The following LMO7 variants were observed in gnomAD, a reference collection of about 807,000 sequenced individuals.
LMO7 encodes the protein LIM domain only protein 7.
LMO7 carries 120 observed loss-of-function variants against 206.5 expected under a neutral mutation model. The observed-to-expected ratio is 0.58, with a 90% CI of 0.50 to 0.68. LMO7 has a LOEUF of 0.68. Among genes scored for constraint, LMO7 ranks in the 30% least tolerant of loss-of-function variants. The pLI is 0.00. For missense variants in LMO7, 1,959 were observed against 1,957.9 expected (o/e 1.00, Z -0.01); for synonymous variants, 706 against 681.5 (o/e 1.04, Z -0.56).
chr13:75,836,025 T>C (rs1023313568), intron 18 of LMO7, among the ~76,000 whole-genome samples: 2 of 152,176 alleles, frequency 1.3e-5, no homozygotes, highest in African/African-American at 4.8e-5. Context: ...ACTCTTTTAT[T>C]TAATAAGGAG....
At chr13:75,686,537 T>TTC (rs1278767640) in intron 1 of LMO7, among the ~76,000 whole-genome samples, 8 of 151,676 alleles carry the variant, frequency 5.3e-5, no homozygotes, top group Non-Finnish European at 1.2e-4. Context: ...TTTTTTTTTT[T>TTC]TTTTTTTAAA....
rs748531973 is a variant in LMO7, at chr13:75,823,604, A to G, written c.2680A>G (p.Ile894Val). The G allele has an allele frequency of 2.5e-6, 4 of 1,614,114 alleles. No homozygotes were observed. Among genetic ancestry groups the G allele is most frequent in the South Asian group, 1.1e-5 (1 of 91,078 alleles). The change falls in exon 15 of 31, where the codon ATT becomes GTT. Residue 894 changes from isoleucine to valine, a missense_variant. Coordinates refer to ENST00000377534, the MANE Select transcript of LMO7 (RefSeq NM_001306080.2). Reference sequence around the variant, plus strand: ...GAAGTATAATGGAGATGTTGAAGACATTAAGAGAACTCCAAACAATGTGGT... The same window carrying G: ...GAAGTATAATGGAGATGTTGAAGACGTTAAGAGAACTCCAAACAATGTGGT... ...AWKYNGDVED[I>V]KRTPNNVVST...
intron 12 of LMO7, among the ~76,000 whole-genome samples, chr13:75,818,682 A>G (rs1466405600): frequency 1.3e-5 from 2 of 152,074 alleles, no homozygotes; most frequent in Non-Finnish European, 2.9e-5. Context: ...ACCTAGGTGG[A>G]CTTAACCCTT....
chr13:75,681,294 T>C (rs1274127902), intron 1 of LMO7, among the ~76,000 whole-genome samples: 2 of 152,170 alleles, frequency 1.3e-5, no homozygotes, highest in Admixed American at 6.6e-5. Flanking sequence ...TATAGTTTTG[T>C]GTTTTACATT....
In LMO7 at chr13:75,757,864, C is replaced by A. The variant is rs2047814285; in HGVS notation, c.211-3068C>A. 4.0e-5 allele frequency among the ~76,000 whole-genome samples: 6 copies of A among 149,498 alleles called. No homozygotes were observed. The Admixed American group carries it at 4.0e-4, about 10-fold the overall frequency. ...TGTATGTTGGTTTGTCTTTGAGAAG[C>A]CACTTTTGGTCCTGAAAGTACAGGG... On this transcript the variant is annotated intron_variant, in intron 3 of 30. Coordinates refer to ENST00000377534, the MANE Select transcript of LMO7 (RefSeq NM_001306080.2).
At chr13:75,816,974 C>T (rs1418408979) in intron 11 of LMO7, 187 bp from the exon 12 acceptor site, 3 of 450,916 alleles carry the variant, frequency 6.7e-6, no homozygotes, top group Non-Finnish European at 1.2e-5. Flanking sequence ...AATTCACACT[C>T]GAGTGCTCTT....
chr13:75,744,502 A>G (rs918228057), intron 3 of LMO7, among the ~76,000 whole-genome samples: 8 of 152,224 alleles, frequency 5.3e-5, no homozygotes, highest in African/African-American at 1.9e-4. Flanking sequence ...TCAGTATTTG[A>G]GTAGGATTAT....
At chr13:75,782,116 A>T (rs2051576094) in intron 4 of LMO7, among the ~76,000 whole-genome samples, 1 of 152,190 alleles carries the variant, frequency 6.6e-6, no homozygotes, top group African/African-American at 2.4e-5. Context: ...TGCTGTACAG[A>T]AGCTCTTTAG....
intron 1 of LMO7, among the ~76,000 whole-genome samples, chr13:75,659,001 T>A (rs2038320193): frequency 6.6e-6 from 1 of 151,970 alleles, no homozygotes; most frequent in Non-Finnish European, 1.5e-5. Context: ...TCTCTCTAGA[T>A]GATCAAATCA....
chr13:75,801,094 G>T (rs1412741492), intron 7 of LMO7, among the ~76,000 whole-genome samples: 1 of 151,964 alleles, frequency 6.6e-6, no homozygotes, highest in African/African-American at 2.4e-5. Context: ...TTCTGGAAAG[G>T]ACTGAGAGGT....
intron 29 of LMO7, among the ~76,000 whole-genome samples, 172 bp from the exon 30 acceptor site, chr13:75,856,334 T>C (rs2060943375): frequency 6.6e-6 from 1 of 152,232 alleles, no homozygotes; most frequent in African/African-American, 2.4e-5. Flanking sequence ...ACATCTTATC[T>C]GGCGGTCTTG....
At chr13:75,851,840 G>C (rs1443529810) in intron 27 of LMO7, among the ~76,000 whole-genome samples, 1 of 152,114 alleles carries the variant, frequency 6.6e-6, no homozygotes, top group Non-Finnish European at 1.5e-5. Context: ...TAGGGATTCA[G>C]GTGCTACATA....
chr13:75,626,567 A>AACAC (rs1229527246), intron 2 of LMO7, among the ~76,000 whole-genome samples: 1 of 81,822 alleles, frequency 1.2e-5, no homozygotes, highest in African/African-American at 4.5e-5. Context: ...CTACCCTCTT[A>AACAC]ACATATATAT....
intron 1 of LMO7, among the ~76,000 whole-genome samples, chr13:75,669,553 A>G (rs145341883): frequency 2.0e-5 from 3 of 152,126 alleles, no homozygotes; most frequent in Admixed American, 6.6e-5. Context: ...GCAAGGAGAG[A>G]TTGCATGATA....
chr13:75,779,963 G>A (rs1267842535), intron 4 of LMO7, among the ~76,000 whole-genome samples: 6 of 152,284 alleles, frequency 3.9e-5, no homozygotes, highest in South Asian at 2.1e-4. Flanking sequence ...GGCAGGTTCC[G>A]TGATGCCCCC....
intron 29 of LMO7, among the ~76,000 whole-genome samples, chr13:75,855,921 G>T (rs1192913830): frequency 6.6e-6 from 1 of 152,226 alleles, no homozygotes; most frequent in Non-Finnish European, 1.5e-5. Flanking sequence ...CATTGGGCCA[G>T]AGAAAGATTC....
intron 2 of LMO7, chr13:75,627,168 CAA>C (rs760714188): frequency 3.3e-5 from 5 of 152,082 alleles, no homozygotes; most frequent in African/African-American, 7.2e-5. Flanking sequence ...TACGATGATG[CAA>C]AAGAGATGCA....
At chr13:75,671,440 TC>T (rs1393930645) in intron 1 of LMO7, among the ~76,000 whole-genome samples, 2 of 152,130 alleles carry the variant, frequency 1.3e-5, no homozygotes, top group Non-Finnish European at 1.5e-5. Flanking sequence ...AATTTTCAGC[TC>T]CCTTGTAGTC....
chr13:75,849,263 G>A lies in LMO7; in HGVS notation c.4335G>A (p.Glu1445=), dbSNP rs2139529892. 2.5e-6 allele frequency: 4 copies of A among 1,614,036 alleles called. No individual in the cohort carries two copies. In the East Asian group the frequency reaches 6.7e-5, roughly 27 times the overall value. ...AGCGCAGTGCCAGTGTCAACAAAGA[G>A]CCTGTTAGTCTTCCTGGGATCATGA... ...IRQRSASVNK[E]PVSLPGIMRR... is the part of the protein sequence containing the mutation. The change falls in exon 27 of 31, where the codon GAG becomes GAA. Residue 1445 remains glutamate (E), a synonymous_variant. Transcript: ENST00000377534.
Sources: gnomAD v4.1 joint callset for allele counts (sites outside exome capture counted in the v4.1 genomes callset) on GRCh38, gnomAD v4.1.1 for gene constraint, MANE v1.5 for transcripts, NCBI Gene and HGNC (gene_info 2026-07-23, HGNC 2026-07-21) for gene names.